SUN1: variants seen among roughly 807,000 people sequenced by gnomAD.
SUN1 encodes Sad1 and UNC84 domain containing 1.
SUN1 carries 61 observed loss-of-function variants against 103.2 expected under a neutral mutation model. The observed-to-expected ratio is 0.59, with a 90% confidence interval of 0.48 to 0.73. The LOEUF (loss-of-function observed/expected upper bound fraction) is 0.73, where lower values mean the gene tolerates loss of function less well. Ranked by LOEUF, SUN1 falls within the 30% of genes least tolerant of loss-of-function variation. SUN1 has a pLI of 0.00. For missense variants in SUN1, 1,052 were observed against 1,034.6 expected (o/e 1.02, Z -0.23); for synonymous variants, 490 against 425.7 (o/e 1.15, Z -1.86).
At chr7:844,696 C>T (rs1813496573) in intron 5 of SUN1, among the ~76,000 whole-genome samples, 1 of 152,218 alleles carries the variant, frequency 6.6e-6, no homozygotes, top group African/African-American at 2.4e-5. Context: ...GCTTGGGTTC[C>T]TCCATGTGGA....
At chr7:872,607 A>G (rs540996922) in intron 18 of SUN1, 45 bp downstream of exon 18, 19 of 1,463,530 alleles carry the variant, frequency 1.3e-5, no homozygotes, top group Admixed American at 3.9e-5. Flanking sequence ...GAGTCCCACA[A>G]CTTCTCGTGA....
chr7:835,250 C>T (rs1801929323), intron 1 of SUN1, among the ~76,000 whole-genome samples: 2 of 151,144 alleles, frequency 1.3e-5, no homozygotes, highest in African/African-American at 4.9e-5. Context: ...TTCACGGGTT[C>T]CCCAGCCCGC....
chr7:873,399 A>G lies in SUN1; in HGVS notation c.*68A>G. 27 of 1,375,120 alleles carry G rather than the reference A, an allele frequency of 2.0e-5. No individual in the cohort carries two copies. Among genetic ancestry groups the G allele is most frequent in the Non-Finnish European group, 2.7e-5 (26 of 966,376 alleles). 85.2% of individuals were successfully genotyped at this position (1,375,120 alleles called of 1,614,324 possible). On this transcript the variant is annotated 3_prime_UTR_variant, in exon 19 of 19. Transcript: ENST00000401592. ...ACAGCGTGAAACACTGGAATCCTTC[A>G]TGGACGAGGGCATATACAATGATGG...
chr7:851,756 A>G, intron 6 of SUN1, 194 bp from the exon 7 acceptor site: 1 of 636,698 alleles, frequency 1.6e-6, no homozygotes, highest in South Asian at 2.0e-5. Flanking sequence ...CCTCTCCTGC[A>G]TTCTGTCCTG....
At chr7:846,289 C>A (rs62430770) in intron 5 of SUN1, among the ~76,000 whole-genome samples, 111,257 of 151,720 alleles carry the variant, frequency 0.73, 40,874 homozygotes, top group East Asian at 0.81. Context: ...TTGTATTTTT[C>A]GTAGAGACGG....
intron 1 of SUN1, among the ~76,000 whole-genome samples, chr7:838,277 T>C (rs1420760082): frequency 6.6e-6 from 1 of 152,204 alleles, no homozygotes; most frequent in Non-Finnish European, 1.5e-5. Context: ...GAAGTGACTG[T>C]CTTTTGGTCA....
chr7:833,545 A>T (rs1319678441), intron 1 of SUN1, among the ~76,000 whole-genome samples: 2 of 152,272 alleles, frequency 1.3e-5, no homozygotes, highest in Middle Eastern at 3.4e-3. Flanking sequence ...TCCTGACCTC[A>T]GGTGATCCAC....
upstream of SUN1, chr7:831,878 A>G (rs529058663): frequency 1.6e-4 from 36 of 232,082 alleles, no homozygotes; most frequent in Middle Eastern, 4.6e-3. Context: ...GCCAGAGGAA[A>G]GTATGAGTCA....
At chr7:852,231 CATT>C (rs748354737) in intron 7 of SUN1, 188 bp downstream of exon 7, 65 of 647,144 alleles carry the variant, frequency 1.0e-4, no homozygotes, top group East Asian at 3.1e-4. Flanking sequence ...AAGCAGATAT[CATT>C]AAGGAAAACA....
At chr7:817,343 C>T in intron 1 of SUN1, 1 of 1,402,302 alleles carries the variant, frequency 7.1e-7, no homozygotes, top group South Asian at 1.2e-5. Context: ...CTCGCCCCAG[C>T]CTGCCTGGAG....
upstream of SUN1, among the ~76,000 whole-genome samples, chr7:828,192 C>T (rs2128195794): frequency 6.6e-6 from 1 of 152,234 alleles, no homozygotes; most frequent in South Asian, 2.1e-4. Flanking sequence ...GCATGAGCCA[C>T]CCCACCTGGC....
intron 5 of SUN1, among the ~76,000 whole-genome samples, chr7:844,484 C>G (rs544120086): frequency 6.6e-6 from 1 of 152,354 alleles, no homozygotes; most frequent in East Asian, 1.9e-4. Context: ...GGCGACAGGA[C>G]GAAGGCTTCT....
At chr7:821,261 C>G (rs1358461481) in intron 1 of SUN1, among the ~76,000 whole-genome samples, 2 of 150,408 alleles carry the variant, frequency 1.3e-5, no homozygotes, top group Non-Finnish European at 3.0e-5. Flanking sequence ...CCTCTGCCTC[C>G]CATGTTCAAG....
intron 1 of SUN1, among the ~76,000 whole-genome samples, chr7:825,765 C>A (rs4571635): frequency 0.61 from 92,981 of 152,006 alleles, 28,409 homozygotes; most frequent in East Asian, 0.65. Flanking sequence ...CTTTGGAAAA[C>A]ATCTATTTCT....
intron 1 of SUN1, among the ~76,000 whole-genome samples, chr7:833,380 G>A (rs1323174242): frequency 1.3e-5 from 2 of 150,370 alleles, no homozygotes; most frequent in South Asian, 2.1e-4. Flanking sequence ...GTGCAATCTC[G>A]GCTCACTGCA....
At chr7:832,648 C>T (rs779754465) in intron 1 of SUN1, 47 bp downstream of exon 1, 38 of 1,507,796 alleles carry the variant, frequency 2.5e-5, no homozygotes, top group Middle Eastern at 1.7e-4. Context: ...AATGCCCACT[C>T]GCTGTCGCGG....
upstream of SUN1, among the ~76,000 whole-genome samples, chr7:828,482 C>T (rs955621567): frequency 2.6e-5 from 4 of 151,816 alleles, no homozygotes; most frequent in East Asian, 3.9e-4. Flanking sequence ...ATGTTGGCCC[C>T]GCTGGCCTCG....
At chr7:841,191 C>G (rs1019033023) in intron 2 of SUN1, among the ~76,000 whole-genome samples, 2 of 151,612 alleles carry the variant, frequency 1.3e-5, no homozygotes, top group Admixed American at 1.3e-4. Flanking sequence ...CCCCAGCCTC[C>G]CAAAGTGCTG....
intron 18 of SUN1, among the ~76,000 whole-genome samples, chr7:872,934 A>G (rs1270377938): frequency 6.6e-6 from 1 of 152,196 alleles, no homozygotes; most frequent in Non-Finnish European, 1.5e-5. Flanking sequence ...TAAAAATACA[A>G]AAATGAGCTG....
Sources: gnomAD v4.1 joint callset for allele counts (sites outside exome capture counted in the v4.1 genomes callset) on GRCh38, gnomAD v4.1.1 for gene constraint, MANE v1.5 for transcripts, NCBI Gene and HGNC (gene_info 2026-07-23, HGNC 2026-07-21) for gene names.